Variants in RO60 observed in about 807,000 individuals in gnomAD.
The protein encoded by RO60 is RNA-binding protein RO60.
Under a neutral mutation model 55.3 loss-of-function variants are expected in RO60, and 20 were observed. The ratio of observed to expected loss-of-function variants is 0.36; its 90% CI spans 0.25 to 0.53. The LOEUF (loss-of-function observed/expected upper bound fraction) is 0.53. Ranked by LOEUF, RO60 falls within the 20% of genes least tolerant of loss-of-function variation. The probability of loss-of-function intolerance (pLI) is 0.92; values close to 1 mark genes in which losing one functional copy is unlikely to be tolerated. For synonymous variants in RO60, 213 were observed against 213.6 expected, an observed-to-expected ratio of 1.00 and a Z score of 0.02; for missense variants, 558 against 646.6, an observed-to-expected ratio of 0.86 and a Z score of 1.49.
At chr1:193,067,238 T>G (rs1201330591) in intron 1 of RO60, among the ~76,000 whole-genome samples, 1 of 147,692 alleles carries the variant, frequency 6.8e-6, no homozygotes, top group African/African-American at 2.5e-5. Context: ...CAGGCTGGAG[T>G]GCAGTGGCAG....
In RO60 at chr1:193,076,589, G is replaced by A; in HGVS notation, c.890G>A (p.Gly297Glu). 6.2e-7 allele frequency: 1 copy of A among 1,610,982 alleles called. No homozygotes were observed. Among genetic ancestry groups the A allele is most frequent in the East Asian group, 2.2e-5 (1 of 44,662 alleles). ...ACTGCTAATTCAGTACTTGAACCAG[G>A]AAATTCAGAAGTATCTTTAGTATGT... ...KMTANSVLEP[G>E]NSEVSLVCEK... Residue 297 changes from glycine to glutamate, a missense_variant, in exon 4 of 9, where the codon GGA becomes GAA. By Grantham distance (98) the Gly-to-Glu change is moderately conservative. Transcript: ENST00000400968.
chr1:193,069,521 A>G lies in RO60; in HGVS notation c.467A>G (p.Tyr156Cys). 1 of 1,614,230 alleles carries G rather than the reference A, an allele frequency of 6.2e-7. No homozygotes were observed. Among genetic ancestry groups the G allele is most frequent in the Non-Finnish European group, 8.5e-7 (1 of 1,180,042 alleles). The part of the protein sequence containing the change: ...RALRKAIADW[Y>C]NEKGGMALAL... ...CTCCGGAAGGCTATAGCGGACTGGT[A>G]CAATGAGAAAGGTGGCATGGCCCTT... Residue 156 changes from tyrosine (Y) to cysteine (C), a missense_variant, in exon 2 of 9, where the codon TAC (tyrosine) becomes TGC (cysteine). Physicochemically the swap from Tyr to Cys is radical, Grantham distance 194. Transcript: ENST00000400968.
At chr1:193,091,243 A>G (rs1173857155), downstream of RO60, 1 of 158,190 alleles carries the variant, frequency 6.3e-6, no homozygotes, top group Non-Finnish European at 1.4e-5. Context: ...TGAATATAGT[A>G]GTAAAACATA....
chr1:193,070,537 T>G (rs1673417229), intron 2 of RO60: 1 of 429,578 alleles, frequency 2.3e-6, no homozygotes, highest in African/African-American at 2.1e-5. Flanking sequence ...ACTTTTTTTT[T>G]TTTTTTGCAC....
rs1177303051 is a variant in RO60 at position 193,090,324 on chromosome 1, T to A, written c.*5593T>A. 6.6e-6 allele frequency: 1 copy of A among 152,066 alleles called. No individual in the cohort carries two copies. Among genetic ancestry groups the A allele is most frequent in the East Asian group, 1.9e-4 (1 of 5,194 alleles). 9.4% of individuals were successfully genotyped at this position (152,066 alleles called of 1,614,324 possible). On this transcript the variant is annotated 3_prime_UTR_variant, in exon 9 of 9. Coordinates refer to ENST00000400968, the MANE Select transcript of RO60 (RefSeq NM_001173524.2). ...TTATATCAACAAACATATTGAAACT[T>A]GGCTTTATTTGTAACGTAAACTATA...
rs200804218 is a variant in RO60 at position 193,067,162 on chromosome 1, G to GA, written c.-21-1863dup. ...GAGTGTGATTTTCCTGTGATGAGGA[G>GA]AAAAAAAAATTTTTTTTCTTTCTTT... On this transcript the variant is annotated intron_variant, in intron 1 of 8. Transcript: ENST00000400968. Among the ~76,000 whole-genome samples the GA allele has an allele frequency of 3.5e-3, 505 of 145,954 alleles. 2 individuals carry two copies. Among genetic ancestry groups the GA allele is most frequent in the African/African-American group, 0.012 (489 of 39,912 alleles).
chr1:193,069,901 T>C (rs1000031152), intron 2 of RO60, among the ~76,000 whole-genome samples: 3 of 152,208 alleles, frequency 2.0e-5, no homozygotes, highest in African/African-American at 7.2e-5. Flanking sequence ...ACTGGAATGC[T>C]CACCCAAGTG....
In RO60 at chr1:193,075,881, AG is replaced by A; in HGVS notation, c.643del (p.Glu215LysfsTer12). The A allele has an allele frequency of 6.2e-7, 1 of 1,613,010 alleles. No individual in the cohort carries two copies. The highest frequency in any genetic ancestry group is 8.5e-7 in the Non-Finnish European group (1 of 1,179,426). On this transcript the variant is annotated frameshift_variant, in exon 3 of 9. Coordinates refer to ENST00000400968, the MANE Select transcript of RO60 (RefSeq NM_001173524.2). LOFTEE classifies it high-confidence loss of function. ...GGAAAGAAGTTCATGAATTGTATAA[AG>A]AAAAAGCACTCTCTGTGGAGACTGA... ...GWKEVHELYK[E>X]KALSVETEKL...
intron 5 of RO60, among the ~76,000 whole-genome samples, chr1:193,079,952 C>T (rs1431580196): frequency 6.7e-6 from 1 of 149,378 alleles, no homozygotes; most frequent in East Asian, 2.0e-4. Flanking sequence ...CATGGTGATA[C>T]CCCGTCTCTA....
chr1:193,083,157 A>T (rs993176500), intron 8 of RO60, among the ~76,000 whole-genome samples: 6 of 152,252 alleles, frequency 3.9e-5, no homozygotes, highest in African/African-American at 1.4e-4. Context: ...ACTTAAAATA[A>T]GAAAAAGTAT....
At chr1:193,078,336 T>C (rs1211133580) in intron 5 of RO60, among the ~76,000 whole-genome samples, 1 of 152,164 alleles carries the variant, frequency 6.6e-6, no homozygotes, top group Non-Finnish European at 1.5e-5. Context: ...TGTAAGATTT[T>C]CCCCTAAAAT....
At position 193,082,725 on chromosome 1, in the gene RO60, T is replaced by C. The variant is rs769713814; in HGVS notation, c.1464+17T>C. 6.3e-7 allele frequency: 1 copy of C among 1,587,764 alleles called. No individual in the cohort carries two copies. Among genetic ancestry groups the C allele is most frequent in the South Asian group, 1.2e-5 (1 of 86,630 alleles). On this transcript the variant is annotated intron_variant, in intron 8 of 8. Coordinates refer to ENST00000400968, the MANE Select transcript of RO60 (RefSeq NM_001173524.2). ...TATCGAAAGGTAAAACAAATTCTAA[T>C]ACGGTTCCTCACCCAAATAATATTA... is the stretch of plus-strand genomic sequence containing the variant.
rs543192197 is a variant in RO60 at position 193,063,810 on chromosome 1, A to T, written c.-22+4034A>T. The stretch of plus-strand genomic sequence containing the variant: ...CTGCCCTGCGGACTACAAATTCAAG[A>T]CTTCCCATAATCCCCTCAAGGCTGA... On this transcript the variant is annotated intron_variant, in intron 1 of 8. Transcript: ENST00000400968. Among the ~76,000 whole-genome samples, 34 of 152,344 alleles carry T rather than the reference A, an allele frequency of 2.2e-4. 1 individual carries two copies. The South Asian group carries it at 7.0e-3, about 32-fold the overall frequency.
Position 193,085,622 on chromosome 1 carries a change from A to T in RO60, c.*891A>T. The T allele has an allele frequency of 2.0e-6, 2 of 984,532 alleles. No individual in the cohort carries two copies. Among genetic ancestry groups the T allele is most frequent in the Non-Finnish European group, 2.4e-6 (2 of 829,144 alleles). The allele number at this position is 984,532 out of a possible 1,614,324, so 61.0% of individuals were successfully genotyped here. A position where few individuals can be genotyped will look rare whatever the true frequency, so the allele number is the denominator to read the frequency against. On this transcript the variant is annotated 3_prime_UTR_variant, in exon 9 of 9. Transcript: ENST00000400968. ...CTCCCCCTCATTCACAAAGTATAAC[A>T]ATTAAAATCTCAACTATAACCAGTT...
Position 193,085,125 on chromosome 1 carries a change from C to A in RO60, c.*394C>A. ...AAATGTTTTCATTGGGAAAGGACAG[C>A]TTTGATAATGTCCAAATACTCTGAA... is the stretch of plus-strand genomic sequence containing the variant. On this transcript the variant is annotated 3_prime_UTR_variant, in exon 9 of 9. Coordinates refer to ENST00000400968, the MANE Select transcript of RO60 (RefSeq NM_001173524.2). 1.4e-6 allele frequency: 2 copies of A among 1,419,166 alleles called. No homozygotes were observed. The highest frequency in any genetic ancestry group is 3.2e-5 in the South Asian group (2 of 62,654). The allele number at this position is 1,419,166 out of a possible 1,614,324, so 87.9% of individuals were successfully genotyped here. A position where few individuals can be genotyped will look rare whatever the true frequency, so the allele number is the denominator to read the frequency against.
intron 1 of RO60, among the ~76,000 whole-genome samples, chr1:193,061,990 A>T (rs1269268009): frequency 6.6e-6 from 1 of 152,134 alleles, no homozygotes; most frequent in Non-Finnish European, 1.5e-5. Context: ...TCTCAAAAAA[A>T]AAAAAAAAAG....
chr1:193,070,863 G>T (rs995169319), intron 2 of RO60, among the ~76,000 whole-genome samples: 27 of 152,062 alleles, frequency 1.8e-4, no homozygotes, highest in African/African-American at 6.3e-4. Flanking sequence ...ATATTTATAT[G>T]TATAAACATT....
At position 193,069,562 on chromosome 1, in the gene RO60, A is replaced by G; in HGVS notation, c.508A>G (p.Lys170Glu). The G allele has an allele frequency of 1.2e-6, 2 of 1,614,182 alleles. No homozygotes were observed. The highest frequency in any genetic ancestry group is 1.7e-6 in the Non-Finnish European group (2 of 1,180,036). ...CATGGCCCTTGCTCTGGCAGTTACAAAATATAAACAGAGAAATGGCTGGTC... is the reference window on the plus strand; with the variant it reads ...CATGGCCCTTGCTCTGGCAGTTACAGAATATAAACAGAGAAATGGCTGGTC... ...GGMALALAVT[K>E]YKQRNGWSHK... is the part of the protein sequence containing the mutation. Residue 170 changes from lysine to glutamate, a missense_variant, in exon 2 of 9, where the codon AAA becomes GAA. By Grantham distance (56) the Lys-to-Glu change is moderately conservative (BLOSUM62 1). Transcript: ENST00000400968.
At chr1:193,065,778 T>A (rs1673062458) in intron 1 of RO60, among the ~76,000 whole-genome samples, 1 of 152,246 alleles carries the variant, frequency 6.6e-6, no homozygotes, top group South Asian at 2.1e-4. Context: ...ATGACTAATA[T>A]GATCATTACA....
Sources: gnomAD v4.1 joint callset for allele counts (sites outside exome capture counted in the v4.1 genomes callset) on GRCh38, gnomAD v4.1.1 for gene constraint, MANE v1.5 for transcripts, NCBI Gene and HGNC (gene_info 2026-07-23, HGNC 2026-07-21) for gene names.